CFAP206: variants seen among roughly 807,000 people sequenced by gnomAD.
The protein encoded by CFAP206 is cilia- and flagella-associated protein 206.
CFAP206 carries 53 observed loss-of-function variants against 65.4 expected under a neutral mutation model. The ratio of observed to expected loss-of-function variants is 0.81; its 90% CI spans 0.65 to 1.02. The LOEUF (loss-of-function observed/expected upper bound fraction) is 1.02. CFAP206 is among the 50% of genes least tolerant of loss of function. The pLI, the probability that CFAP206 is intolerant of heterozygous loss-of-function variation, is 0.00. For synonymous variants in CFAP206, 250 were observed against 254.4 expected (o/e 0.98, Z 0.17); for missense variants, 663 against 753.2 (o/e 0.88, Z 1.40).
chr6:87,420,901 C>T (rs1035842696), intron 7 of CFAP206, among the ~76,000 whole-genome samples: 3 of 152,164 alleles, frequency 2.0e-5, no homozygotes, highest in African/African-American at 7.2e-5. Context: ...ATTCTCTGCT[C>T]AAACAGTCTT....
chr6:87,418,211 C>T lies in CFAP206; in HGVS notation c.635C>T (p.Pro212Leu), dbSNP rs780137399. 2 of 1,613,884 alleles carry T rather than the reference C, an allele frequency of 1.2e-6. No individual in the cohort carries two copies. The highest frequency in any genetic ancestry group is 2.7e-5 in the African/African-American group (2 of 74,880). ...CTTTTCATACTCTTACAAACAGTGC[C>T]AGCTGTTCTCCATGTAGCAATCCCA... ...GKGGEGIDDL[P>L]AVLHVAIPAT... The change falls in exon 7 of 13, where the codon CCA becomes CTA. Residue 212 changes from proline to leucine, a missense_variant. Coordinates refer to ENST00000369562, the MANE Select transcript of CFAP206 (RefSeq NM_001031743.3).
intron 1 of CFAP206, among the ~76,000 whole-genome samples, chr6:87,409,000 A>C (rs1206628078): frequency 6.7e-6 from 1 of 149,730 alleles, no homozygotes; most frequent in African/African-American, 2.5e-5. Context: ...AAAACCTACC[A>C]CTTTTTCCTT....
intron 7 of CFAP206, among the ~76,000 whole-genome samples, chr6:87,418,889 A>G (rs1234126095): frequency 6.6e-6 from 1 of 152,174 alleles, no homozygotes; most frequent in Non-Finnish European, 1.5e-5. Flanking sequence ...AGGTGGACAG[A>G]TCGCTTGAGC....
intron 11 of CFAP206, among the ~76,000 whole-genome samples, chr6:87,437,158 C>T (rs1158497673): frequency 1.3e-5 from 2 of 151,974 alleles, no homozygotes; most frequent in East Asian, 1.9e-4. Context: ...TTAGTAGAGA[C>T]GGGGTTTCAC....
At chr6:87,420,579 A>G (rs1208450724) in intron 7 of CFAP206, among the ~76,000 whole-genome samples, 5 of 152,212 alleles carry the variant, frequency 3.3e-5, no homozygotes. Flanking sequence ...CCGTATCTGT[A>G]AAATGGGGTT....
intron 11 of CFAP206, among the ~76,000 whole-genome samples, chr6:87,440,485 G>A (rs187022597): frequency 3.4e-4 from 51 of 152,130 alleles, no homozygotes; most frequent in Admixed American, 1.4e-3. Flanking sequence ...CTTTATTACA[G>A]GAGGTGAGTG....
At chr6:87,417,143 G>A (rs767941211) in intron 6 of CFAP206, among the ~76,000 whole-genome samples, 2 of 152,066 alleles carry the variant, frequency 1.3e-5, no homozygotes, top group Non-Finnish European at 2.9e-5. Flanking sequence ...TAACCAAAAG[G>A]GAGTACAATT....
chr6:87,426,047 A>C (rs1025472024), intron 7 of CFAP206: 1 of 152,994 alleles, frequency 6.5e-6, no homozygotes, highest in Non-Finnish European at 1.5e-5. Flanking sequence ...CCTAAACCAC[A>C]TGGCATACAT....
At chr6:87,423,910 A>T (rs1042954661) in intron 7 of CFAP206, among the ~76,000 whole-genome samples, 3 of 152,228 alleles carry the variant, frequency 2.0e-5, no homozygotes, top group African/African-American at 7.2e-5. Context: ...AGTTGATAGT[A>T]CTCATGAAGT....
At chr6:87,410,874 G>C (rs1383402458) in intron 3 of CFAP206, among the ~76,000 whole-genome samples, 1 of 152,148 alleles carries the variant, frequency 6.6e-6, no homozygotes, top group Non-Finnish European at 1.5e-5. Flanking sequence ...CTTGCAATAT[G>C]GTCATCTGGT....
intron 11 of CFAP206, among the ~76,000 whole-genome samples, chr6:87,451,645 G>A (rs974756832): frequency 1.4e-5 from 2 of 147,334 alleles, no homozygotes; most frequent in East Asian, 4.0e-4. Flanking sequence ...GGAAAGGAGA[G>A]GGATAGTAAA....
chr6:87,416,887 G>T, intron 6 of CFAP206, 60 bp downstream of exon 6: 1 of 1,429,950 alleles, frequency 7.0e-7, no homozygotes, highest in Middle Eastern at 1.8e-4. Context: ...AACTTGCACA[G>T]TGAGGAAAAT....
chr6:87,445,935 T>C (rs1768434606), intron 11 of CFAP206, among the ~76,000 whole-genome samples: 1 of 152,214 alleles, frequency 6.6e-6, no homozygotes, highest in Non-Finnish European at 1.5e-5. Flanking sequence ...TGGTTTTGAC[T>C]TGCGTTTCTC....
chr6:87,418,111 CTAACT>C, intron 6 of CFAP206, 92 bp from the exon 7 acceptor site: 1 of 1,093,580 alleles, frequency 9.1e-7, no homozygotes, highest in East Asian at 2.5e-5. Context: ...GAGAAAAACC[CTAACT>C]TAATGTTTAA....
chr6:87,424,499 G>C (rs1768004391), intron 7 of CFAP206, among the ~76,000 whole-genome samples: 1 of 151,922 alleles, frequency 6.6e-6, no homozygotes, highest in Admixed American at 6.6e-5. Context: ...GGATGGTCTC[G>C]ATCTCCTGAC....
intron 7 of CFAP206, among the ~76,000 whole-genome samples, chr6:87,423,336 C>G (rs1767981354): frequency 6.6e-6 from 1 of 151,768 alleles, no homozygotes; most frequent in South Asian, 2.1e-4. Flanking sequence ...GCAAGCTCCG[C>G]CTCCCGGGTT....
chr6:87,425,286 A>G (rs1457572934), intron 7 of CFAP206, among the ~76,000 whole-genome samples: 1 of 152,168 alleles, frequency 6.6e-6, no homozygotes, highest in Non-Finnish European at 1.5e-5. Context: ...AAAGAACCGT[A>G]TTTTTCTATA....
chr6:87,427,391 G>A (rs1012866042), intron 8 of CFAP206, among the ~76,000 whole-genome samples: 2 of 152,168 alleles, frequency 1.3e-5, no homozygotes, highest in East Asian at 1.9e-4. Flanking sequence ...TGCCCGCCTC[G>A]GCCTCCCAAA....
At chr6:87,426,871 T>C (rs1768052135) in intron 8 of CFAP206, among the ~76,000 whole-genome samples, 1 of 152,226 alleles carries the variant, frequency 6.6e-6, no homozygotes, top group Admixed American at 6.5e-5. Context: ...CTGTATAGTA[T>C]GATAACCATA....
Sources: gnomAD v4.1 joint callset for allele counts (sites outside exome capture counted in the v4.1 genomes callset) on GRCh38, gnomAD v4.1.1 for gene constraint, MANE v1.5 for transcripts, NCBI Gene and HGNC (gene_info 2026-07-23, HGNC 2026-07-21) for gene names.